The following FAR2 variants were observed in gnomAD, a reference collection of about 807,000 sequenced individuals.
FAR2 encodes the protein epididymis secretory protein Li 81.
A neutral mutation model predicts 56.0 loss-of-function variants in FAR2; 19 were observed. The ratio of observed to expected loss-of-function variants is 0.34; its 90% CI spans 0.24 to 0.50. FAR2 has a LOEUF of 0.50. FAR2 is among the 20% of genes least tolerant of loss of function. The pLI, the probability that FAR2 is intolerant of heterozygous loss-of-function variation, is 0.98. For missense variants in FAR2, 508 were observed against 642.2 expected, an observed-to-expected ratio of 0.79 and a Z score of 2.26; for synonymous variants, 219 against 218.8, an observed-to-expected ratio of 1.00 and a Z score of -0.01.
chr12:29,280,894 A>G (rs1183788008), intron 2 of FAR2: 2 of 152,278 alleles, frequency 1.3e-5, no homozygotes, highest in African/African-American at 4.8e-5. Flanking sequence ...GGATGGCTGG[A>G]AAATGCATAG....
chr12:29,162,913 C>G (rs544506466), intron 1 of FAR2, among the ~76,000 whole-genome samples: 15 of 152,254 alleles, frequency 9.9e-5, no homozygotes, highest in South Asian at 2.1e-4. Flanking sequence ...GATTATTGTA[C>G]CAAGTATTGT....
intron 10 of FAR2, among the ~76,000 whole-genome samples, chr12:29,326,912 G>A (rs1233999836): frequency 6.6e-6 from 1 of 152,080 alleles, no homozygotes; most frequent in Non-Finnish European, 1.5e-5. Flanking sequence ...GGGCAATCAG[G>A]CAGGAGAAGG....
At chr12:29,188,135 T>G (rs1028121182) in intron 1 of FAR2, among the ~76,000 whole-genome samples, 10 of 152,248 alleles carry the variant, frequency 6.6e-5, no homozygotes, top group African/African-American at 2.4e-4. Flanking sequence ...TACTAATTAT[T>G]GTATCACTAT....
chr12:29,311,460 T>C lies in FAR2; in HGVS notation c.887+314T>C, dbSNP rs1591958465. On this transcript the variant is annotated intron_variant, in intron 7 of 11. Transcript: ENST00000536681. ...GCTTTCTCTTTTAGGGCAAAGGAGA[T>C]AGAAGCTGATGAAATGACAGAATTT... Among the ~76,000 whole-genome samples the C allele has an allele frequency of 2.0e-5, 3 of 152,084 alleles. No individual in the cohort carries two copies. The South Asian group carries it at 6.2e-4, about 32-fold the overall frequency.
At chr12:29,226,957 G>A (rs1021998072) in intron 1 of FAR2, among the ~76,000 whole-genome samples, 5 of 152,156 alleles carry the variant, frequency 3.3e-5, no homozygotes, top group African/African-American at 7.2e-5. Flanking sequence ...AAAACACAAT[G>A]AGAAGGAAGA....
chr12:29,211,075 A>ATCTCTGTAGGGTTG (rs1338768025), intron 1 of FAR2, among the ~76,000 whole-genome samples: 2 of 151,862 alleles, frequency 1.3e-5, no homozygotes, highest in Non-Finnish European at 2.9e-5. Flanking sequence ...CATGAAACTG[A>ATCTCTGTAGGGTTG]TCTCTGTAGG....
intron 1 of FAR2, among the ~76,000 whole-genome samples, chr12:29,243,069 A>C (rs1317373202): frequency 6.6e-6 from 1 of 152,190 alleles, no homozygotes; most frequent in Non-Finnish European, 1.5e-5. Context: ...TATAGTGGAA[A>C]ACGGGAAGGC....
chr12:29,329,693 C>G (rs1461849993), intron 10 of FAR2, among the ~76,000 whole-genome samples: 3 of 152,172 alleles, frequency 2.0e-5, no homozygotes, highest in Admixed American at 1.3e-4. Flanking sequence ...AGCTTTTGGA[C>G]AAGTCTTTGA....
intron 2 of FAR2, among the ~76,000 whole-genome samples, chr12:29,274,250 G>A (rs990017052): frequency 2.3e-5 from 3 of 132,250 alleles, no homozygotes; most frequent in Admixed American, 9.4e-5. Flanking sequence ...GTGTCCATGT[G>A]TTCTCATTGT....
At chr12:29,275,076 T>C (rs1449680025) in intron 2 of FAR2, among the ~76,000 whole-genome samples, 3 of 145,434 alleles carry the variant, frequency 2.1e-5, no homozygotes, top group Non-Finnish European at 4.5e-5. Flanking sequence ...TTCATGCGCG[T>C]CCATGTGAAG....
intron 10 of FAR2, among the ~76,000 whole-genome samples, chr12:29,326,400 T>G (rs576323658): frequency 7.6e-4 from 115 of 152,216 alleles, no homozygotes; most frequent in Middle Eastern, 6.8e-3. Context: ...TAACTCATTT[T>G]ATGAGGCCAG....
chr12:29,327,817 GC>G (rs1284226255), intron 10 of FAR2, among the ~76,000 whole-genome samples: 2 of 152,058 alleles, frequency 1.3e-5, no homozygotes, highest in Non-Finnish European at 2.9e-5. Flanking sequence ...GAAAACCTAG[GC>G]AATACCATTC....
chr12:29,249,892 C>T (rs895182483), intron 1 of FAR2, among the ~76,000 whole-genome samples: 7 of 152,092 alleles, frequency 4.6e-5, no homozygotes, highest in African/African-American at 1.4e-4. Context: ...CTCTTACTTC[C>T]GAATCAGTGG....
At chr12:29,217,351 A>G (rs1326903038) in intron 1 of FAR2, among the ~76,000 whole-genome samples, 1 of 152,212 alleles carries the variant, frequency 6.6e-6, no homozygotes, top group Non-Finnish European at 1.5e-5. Flanking sequence ...CTGGCATGAC[A>G]GATTGCAACA....
chr12:29,209,536 A>G (rs1947518271), intron 1 of FAR2, among the ~76,000 whole-genome samples: 1 of 152,178 alleles, frequency 6.6e-6, no homozygotes, highest in African/African-American at 2.4e-5. Context: ...GGAAGAAGTT[A>G]CTGCTGGCCC....
At chr12:29,266,762 A>T (rs1224733619) in intron 1 of FAR2, among the ~76,000 whole-genome samples, 2 of 152,160 alleles carry the variant, frequency 1.3e-5, no homozygotes, top group Non-Finnish European at 2.9e-5. Flanking sequence ...CATGTGCCTT[A>T]TAAATATATA....
chr12:29,191,704 G>C lies in FAR2; in HGVS notation c.-39+42297G>C, dbSNP rs1950104109. Among the ~76,000 whole-genome samples, 3 of 152,196 alleles carry C rather than the reference G, an allele frequency of 2.0e-5. No homozygotes were observed. The South Asian group carries it at 6.2e-4, about 31-fold the overall frequency. ...GCTATGGGAACTGTAAGTGAAACTT[G>C]ACCTTTGATACACTTACATGTTCAG... is the stretch of plus-strand genomic sequence containing the variant. On this transcript the variant is annotated intron_variant, in intron 1 of 11. Transcript: ENST00000536681.
In FAR2 at chr12:29,307,758, C is replaced by G; in HGVS notation, c.646C>G (p.Gln216Glu). The change falls in exon 5 of 12, where the codon CAG becomes GAG. Residue 216 changes from glutamine (Q) to glutamate (E), a missense_variant. By Grantham distance (29) the Gln-to-Glu change is conservative. Transcript: ENST00000536681. ...CAAGGCCTTGGGAGAAATGGTGGTGCAGCAAGAGAGCAGGAACCTGAACAT... is the reference window on the plus strand; with the variant it reads ...CAAGGCCTTGGGAGAAATGGTGGTGGAGCAAGAGAGCAGGAACCTGAACAT... ...YTKALGEMVV[Q>E]QESRNLNIAI... The G allele has an allele frequency of 1.2e-6, 2 of 1,613,674 alleles. No homozygotes were observed. Among genetic ancestry groups the G allele is most frequent in the Non-Finnish European group, 1.7e-6 (2 of 1,179,908 alleles).
intron 1 of FAR2, among the ~76,000 whole-genome samples, chr12:29,154,632 A>G (rs1231422363): frequency 6.6e-6 from 1 of 152,070 alleles, no homozygotes; most frequent in East Asian, 1.9e-4. Context: ...ACGGGGTTTC[A>G]CCGTGTTAGC....
Sources: gnomAD v4.1 joint callset for allele counts (sites outside exome capture counted in the v4.1 genomes callset) on GRCh38, gnomAD v4.1.1 for gene constraint, MANE v1.5 for transcripts, NCBI Gene and HGNC (gene_info 2026-07-23, HGNC 2026-07-21) for gene names.